Variants in ROCK1 observed in about 807,000 individuals in gnomAD.
The protein encoded by ROCK1 is rho-associated protein kinase 1.
Under a neutral mutation model 196.8 loss-of-function variants are expected in ROCK1, and 36 were observed. That is an observed-to-expected ratio of 0.18 (90% CI 0.14 to 0.24). ROCK1 has a LOEUF of 0.24. Among genes scored for constraint, ROCK1 ranks in the 10% least tolerant of loss-of-function variants. The pLI is 1.00. For missense variants in ROCK1, 920 were observed against 1,562.0 expected (o/e 0.59, Z 6.93); for synonymous variants, 443 against 515.9 (o/e 0.86, Z 1.91).
intron 1 of ROCK1, among the ~76,000 whole-genome samples, chr18:21,104,925 C>A (rs187454794): frequency 1.3e-5 from 2 of 152,256 alleles, no homozygotes; most frequent in African/African-American, 4.8e-5. Context: ...TTGGCTTAGA[C>A]GTCAATAACG....
chr18:20,991,422 T>C, intron 17 of ROCK1, 96 bp from the exon 18 acceptor site: 1 of 824,032 alleles, frequency 1.2e-6, no homozygotes, highest in Non-Finnish European at 1.8e-6. Context: ...ATATGATGCC[T>C]TATTTTAAAA....
chr18:21,011,536 G>A (rs533201554), intron 13 of ROCK1, among the ~76,000 whole-genome samples: 25 of 151,960 alleles, frequency 1.6e-4, no homozygotes, highest in African/African-American at 5.5e-4. Context: ...GCTCACTGCA[G>A]CCTCAACTTC....
chr18:21,088,509 T>G (rs758505293), intron 1 of ROCK1, among the ~76,000 whole-genome samples: 54 of 152,072 alleles, frequency 3.6e-4, no homozygotes, highest in Non-Finnish European at 6.6e-4. Context: ...TAAAATAAAT[T>G]TTTTAAGAAA....
chr18:21,102,049 T>C (rs2143602594), intron 1 of ROCK1, among the ~76,000 whole-genome samples: 1 of 152,326 alleles, frequency 6.6e-6, no homozygotes, highest in South Asian at 2.1e-4. Context: ...TCCCTACTTC[T>C]GCGTATATTT....
chr18:20,997,845 T>C (rs567218376), intron 16 of ROCK1, among the ~76,000 whole-genome samples: 2,010 of 152,186 alleles, frequency 0.013, 51 homozygotes, highest in African/African-American at 0.045. Context: ...GATTTTTTTT[T>C]TTTTTTTGAG....
chr18:20,997,274 C>T (rs1350326137), intron 16 of ROCK1, among the ~76,000 whole-genome samples: 1 of 151,904 alleles, frequency 6.6e-6, no homozygotes, highest in Non-Finnish European at 1.5e-5. Flanking sequence ...ACAGAAAAAA[C>T]AAGGGGATGG....
chr18:21,028,679 C>T (rs1296335653), intron 10 of ROCK1, 97 bp downstream of exon 10: 1 of 1,072,472 alleles, frequency 9.3e-7, no homozygotes, highest in Non-Finnish European at 1.3e-6. Context: ...TAAGGTGTAT[C>T]TTTATATAGC....
intron 2 of ROCK1, among the ~76,000 whole-genome samples, chr18:21,052,622 T>C (rs181110793): frequency 6.6e-6 from 1 of 152,228 alleles, no homozygotes; most frequent in Non-Finnish European, 1.5e-5. Context: ...AGCATTACCA[T>C]CTGAGCTCCA....
At chr18:21,015,558 T>C in intron 12 of ROCK1, 79 bp from the exon 13 acceptor site, 1 of 909,866 alleles carries the variant, frequency 1.1e-6, no homozygotes, top group South Asian at 1.5e-5. Flanking sequence ...ATTCCTTACT[T>C]TTCCACTTAA....
rs1247237713 is a variant in ROCK1 at position 20,949,978 on chromosome 18, A to C, written c.*1406T>G. 6.5e-6 allele frequency: 1 copy of C among 152,696 alleles called. No individual in the cohort carries two copies. Among genetic ancestry groups the C allele is most frequent in the Non-Finnish European group, 1.5e-5 (1 of 68,048 alleles). 9.5% of individuals were successfully genotyped at this position (152,696 alleles called of 1,614,324 possible). ...TTACATATCCATCAGTGCGGCTTTC[A>C]ATACCACTTGAAACATGCATATCAT... On this transcript the variant is annotated 3_prime_UTR_variant, in exon 33 of 33. Transcript: ENST00000399799.
rs73431100 is a variant in ROCK1 at position 21,013,641 on chromosome 18, C to G, written c.1410+1790G>C. On this transcript the variant is annotated intron_variant, in intron 13 of 32. Coordinates refer to ENST00000399799, the MANE Select transcript of ROCK1 (RefSeq NM_005406.3). ...CTGGGGAGAGAAAGAAGGTTTGTTA[C>G]TGCCCACAGGAGATGAAAATTCCTT... Among the ~76,000 whole-genome samples, 580 of 152,314 alleles carry G rather than the reference C, an allele frequency of 3.8e-3. 3 individuals carry two copies. Among genetic ancestry groups the G allele is most frequent in the African/African-American group, 0.013 (557 of 41,558 alleles).
At chr18:21,090,817 A>G (rs1235859573) in intron 1 of ROCK1, among the ~76,000 whole-genome samples, 2 of 152,192 alleles carry the variant, frequency 1.3e-5, no homozygotes, top group African/African-American at 4.8e-5. Context: ...CAAGACAATG[A>G]GATACCTGTT....
intron 1 of ROCK1, among the ~76,000 whole-genome samples, chr18:21,086,183 C>A (rs1226469849): frequency 1.3e-5 from 2 of 149,696 alleles, no homozygotes; most frequent in Admixed American, 6.7e-5. Context: ...GCAATCTCGG[C>A]TCACTGCAAC....
Position 20,954,814 on chromosome 18 carries a change from A to C in ROCK1, c.3822T>G (p.Asp1274Glu). The C allele has an allele frequency of 6.2e-7, 1 of 1,612,692 alleles. No individual in the cohort carries two copies. Among genetic ancestry groups the C allele is most frequent in the Non-Finnish European group, 8.5e-7 (1 of 1,179,430 alleles). ...CHVKCHRDHLDKKEDLICPCK... is the reference protein window; with the variant it reads ...CHVKCHRDHLEKKEDLICPCK... ...ATGGACAAATTAAGTCCTCTTTCTT[A>C]TCTAAGTGATCTCTGTGGCACTTAA... The change falls in exon 31 of 33, where the codon GAT becomes GAG. Residue 1274 changes from aspartate (D) to glutamate (E), a missense_variant. Transcript: ENST00000399799.
intron 1 of ROCK1, among the ~76,000 whole-genome samples, chr18:21,074,272 A>T (rs879362763): frequency 2.6e-5 from 4 of 152,216 alleles, no homozygotes; most frequent in Non-Finnish European, 5.9e-5. Context: ...TAACAACCTG[A>T]TATTAAATAC....
chr18:21,060,818 G>A (rs755849532), intron 2 of ROCK1, among the ~76,000 whole-genome samples: 1 of 124,668 alleles, frequency 8.0e-6, no homozygotes, highest in Non-Finnish European at 1.6e-5. Context: ...CAGCCTGGGC[G>A]AGAAGAGCGA....
chr18:21,054,533 C>T lies in ROCK1; in HGVS notation c.176-4653G>A, dbSNP rs11873648. ...AACCGACCCTGAAAGTGGGAGATCC[C>T]CCACATCCCCACCCCTAAATCTGCT... On this transcript the variant is annotated intron_variant, in intron 2 of 32. Transcript: ENST00000399799. Among the ~76,000 whole-genome samples the T allele has an allele frequency of 3.3e-3, 507 of 152,062 alleles. 6 individuals are homozygous for T. Among genetic ancestry groups the T allele is most frequent in the African/African-American group, 0.011 (472 of 41,488 alleles).
chr18:21,040,236 T>C (rs919595010), intron 8 of ROCK1, among the ~76,000 whole-genome samples: 1 of 152,024 alleles, frequency 6.6e-6, no homozygotes, highest in Non-Finnish European at 1.5e-5. Context: ...AAAGTTAGGC[T>C]TTTTTTTCCC....
At chr18:21,014,641 A>G (rs1568383795) in intron 13 of ROCK1, among the ~76,000 whole-genome samples, 2 of 152,252 alleles carry the variant, frequency 1.3e-5, no homozygotes, top group Non-Finnish European at 2.9e-5. Context: ...GCTAAGGTTA[A>G]GTACAAAGGC....
Sources: allele counts gnomAD v4.1 joint callset (sites outside exome capture counted in the v4.1 genomes callset), GRCh38; gene constraint gnomAD v4.1.1; transcripts MANE v1.5; gene names NCBI Gene and HGNC (gene_info 2026-07-23, HGNC 2026-07-21).